The following RPGRIP1L variants were observed in gnomAD, a reference collection of about 807,000 sequenced individuals.
RPGRIP1L encodes the protein RPGRIP1 like, also known as protein fantom.
A neutral mutation model predicts 160.4 loss-of-function variants in RPGRIP1L; 131 were observed. The ratio of observed to expected loss-of-function variants is 0.82; its 90% CI spans 0.71 to 0.94. RPGRIP1L has a LOEUF of 0.94. Ranked by LOEUF, RPGRIP1L falls within the 40% of genes least tolerant of loss-of-function variation. The probability of loss-of-function intolerance (pLI) is 0.00; values close to 1 mark genes in which losing one functional copy is unlikely to be tolerated. For missense variants in RPGRIP1L, 1,522 were observed against 1,535.8 expected, an observed-to-expected ratio of 0.99 and a Z score of 0.15; for synonymous variants, 510 against 515.8, an observed-to-expected ratio of 0.99 and a Z score of 0.15.
intron 16 of RPGRIP1L, among the ~76,000 whole-genome samples, chr16:53,648,392 T>C (rs1246795270): frequency 6.6e-6 from 1 of 152,152 alleles, no homozygotes. Flanking sequence ...GATAGTCCAA[T>C]AACGGCTGTT....
intron 9 of RPGRIP1L, among the ~76,000 whole-genome samples, chr16:53,670,799 A>G (rs562228392): frequency 6.6e-6 from 1 of 152,290 alleles, no homozygotes; most frequent in African/African-American, 2.4e-5. Context: ...TACTTTATAC[A>G]TTTAAAAGGT....
intron 4 of RPGRIP1L, among the ~76,000 whole-genome samples, chr16:53,690,282 C>T (rs201812046): frequency 3.9e-5 from 6 of 152,084 alleles, no homozygotes; most frequent in African/African-American, 7.2e-5. Context: ...CTGCAAACTC[C>T]GCCTCCTGGG....
chr16:53,628,023 C>A (rs1965291143), intron 22 of RPGRIP1L, among the ~76,000 whole-genome samples: 1 of 151,986 alleles, frequency 6.6e-6, no homozygotes. Context: ...CCCTTAGGAG[C>A]AGAACTGCTG....
At chr16:53,651,785 G>A (rs2151118806) in intron 15 of RPGRIP1L, among the ~76,000 whole-genome samples, 1 of 152,096 alleles carries the variant, frequency 6.6e-6, no homozygotes, top group African/African-American at 2.4e-5. Context: ...AGTTTTGTCT[G>A]TCTTATTTAC....
chr16:53,641,083 GTGT>G lies in RPGRIP1L; in HGVS notation c.2905_2907del (p.Thr969del), dbSNP rs753368084. On this transcript the variant is annotated inframe_deletion, in exon 19 of 27. Coordinates refer to ENST00000647211, the MANE Select transcript of RPGRIP1L (RefSeq NM_015272.5). ...ACGAAAGATACCTTCTTATCTACAG[GTGT>G]TAAACGTTGTCTTGGTTTAGGTCTT... The G allele has an allele frequency of 6.2e-7, 1 of 1,613,790 alleles. No homozygotes were observed. The highest frequency in any genetic ancestry group is 1.1e-5 in the South Asian group (1 of 91,064).
intron 10 of RPGRIP1L, chr16:53,659,132 T>C (rs906340417): frequency 3.0e-6 from 2 of 668,156 alleles, no homozygotes; most frequent in Non-Finnish European, 4.1e-6. Context: ...TATAAGGAAA[T>C]TGTGGCCTCT....
chr16:53,625,521 A>AG (rs1160696887), intron 22 of RPGRIP1L, among the ~76,000 whole-genome samples: 40 of 84,670 alleles, frequency 4.7e-4, no homozygotes, highest in South Asian at 9.6e-4. Context: ...CTAGGGGGTG[A>AG]GGGGGGGGCG....
At position 53,639,399 on chromosome 16, in the gene RPGRIP1L, T is replaced by C. The variant is rs1966061563; in HGVS notation, c.2959-988A>G. 3.3e-5 allele frequency among the ~76,000 whole-genome samples: 5 copies of C among 152,046 alleles called. No homozygotes were observed. In the South Asian group the frequency reaches 1.0e-3, roughly 32 times the overall value. ...ATCCTGTTGCATTTAAAAAATTTAA[T>C]ATCATAACATAAATATTTTCTCCTG... On this transcript the variant is annotated intron_variant, in intron 19 of 26. Transcript: ENST00000647211.
rs1177646717 is a variant in RPGRIP1L, at chr16:53,599,072, C to T, written c.*3004G>A. ...TAAGAACTGGTTTTCATTTTCACAGCTCTTGATGTCAGATTACTAAAATAA... is the reference window on the plus strand; with the variant it reads ...TAAGAACTGGTTTTCATTTTCACAGTTCTTGATGTCAGATTACTAAAATAA... On this transcript the variant is annotated 3_prime_UTR_variant, in exon 27 of 27. Coordinates refer to ENST00000647211, the MANE Select transcript of RPGRIP1L (RefSeq NM_015272.5). The T allele has an allele frequency of 6.6e-6, 1 of 152,156 alleles. No individual in the cohort carries two copies. Among genetic ancestry groups the T allele is most frequent in the African/African-American group, 2.4e-5 (1 of 41,426 alleles). 9.4% of individuals were successfully genotyped at this position (152,156 alleles called of 1,614,324 possible). A position where few individuals can be genotyped will look rare whatever the true frequency, so the allele number is the denominator to read the frequency against.
chr16:53,679,661 T>C (rs1471079157), intron 6 of RPGRIP1L, among the ~76,000 whole-genome samples: 1 of 152,200 alleles, frequency 6.6e-6, no homozygotes, highest in East Asian at 1.9e-4. Flanking sequence ...TGGTTTTGTG[T>C]TGTTTTCATT....
At chr16:53,638,180 C>G (rs1598292654) in intron 20 of RPGRIP1L, 130 bp downstream of exon 20, 2 of 675,714 alleles carry the variant, frequency 3.0e-6, no homozygotes, top group Non-Finnish European at 5.2e-6. Flanking sequence ...TTTTGACTTT[C>G]TATTCCAAGG....
intron 6 of RPGRIP1L, among the ~76,000 whole-genome samples, chr16:53,683,221 A>G (rs868447328): frequency 7.6e-4 from 115 of 152,276 alleles, no homozygotes; most frequent in African/African-American, 2.5e-3. Flanking sequence ...GGTTTTTCTA[A>G]TAAGAACCTA....
chr16:53,682,613 G>C (rs1279045980), intron 6 of RPGRIP1L, among the ~76,000 whole-genome samples: 3 of 152,136 alleles, frequency 2.0e-5, no homozygotes, highest in Admixed American at 2.0e-4. Context: ...TGATAACCTT[G>C]TACTCAGTGG....
intron 4 of RPGRIP1L, among the ~76,000 whole-genome samples, chr16:53,691,650 A>G (rs570220591): frequency 2.0e-4 from 31 of 152,352 alleles, no homozygotes; most frequent in East Asian, 7.7e-4. Context: ...CCGCCATCCA[A>G]TGAGAAAGAT....
chr16:53,626,806 CAAAA>C (rs397956424), intron 22 of RPGRIP1L, among the ~76,000 whole-genome samples: 2 of 93,824 alleles, frequency 2.1e-5, no homozygotes, highest in African/African-American at 3.6e-5. Context: ...CCCTGTCTCT[CAAAA>C]AAAAAAAAAA....
intron 10 of RPGRIP1L, among the ~76,000 whole-genome samples, chr16:53,661,490 T>C (rs964186008): frequency 2.6e-5 from 4 of 152,072 alleles, no homozygotes; most frequent in Non-Finnish European, 5.9e-5. Flanking sequence ...AACATCTAGA[T>C]AGAATGGTTA....
intron 13 of RPGRIP1L, 142 bp from the exon 14 acceptor site, chr16:53,656,731 C>T (rs1005878307): frequency 4.4e-6 from 3 of 675,940 alleles, no homozygotes; most frequent in Non-Finnish European, 7.9e-6. Flanking sequence ...AAGTAGCTTA[C>T]ACTTTAGAAA....
At chr16:53,610,655 G>A (rs1963972816) in intron 25 of RPGRIP1L, among the ~76,000 whole-genome samples, 1 of 152,192 alleles carries the variant, frequency 6.6e-6, no homozygotes, top group African/African-American at 2.4e-5. Context: ...ACTCCAGAGT[G>A]TACCCACCTT....
chr16:53,656,323 G>T, intron 14 of RPGRIP1L, 149 bp downstream of exon 14: 1 of 746,980 alleles, frequency 1.3e-6, no homozygotes. Context: ...CTGGAACCCA[G>T]GAGGTCAAAG....
Sources: allele counts gnomAD v4.1 joint callset (sites outside exome capture counted in the v4.1 genomes callset), GRCh38; gene constraint gnomAD v4.1.1; transcripts MANE v1.5; gene names NCBI Gene and HGNC (gene_info 2026-07-23, HGNC 2026-07-21).